The following ST8SIA2 variants were observed in gnomAD, a reference collection of about 807,000 sequenced individuals.
ST8SIA2 encodes the protein alpha-2,8-sialyltransferase 8B.
A neutral mutation model predicts 37.6 loss-of-function variants in ST8SIA2; 22 were observed. That is an observed-to-expected ratio of 0.58 (90% CI 0.42 to 0.83). The LOEUF (loss-of-function observed/expected upper bound fraction) is 0.83. ST8SIA2 is among the 40% of genes least tolerant of loss of function. The probability of loss-of-function intolerance (pLI) is 0.00; values close to 1 mark genes in which losing one functional copy is unlikely to be tolerated. For synonymous variants in ST8SIA2, 205 were observed against 201.2 expected, an observed-to-expected ratio of 1.02 and a Z score of -0.16; for missense variants, 382 against 484.7, an observed-to-expected ratio of 0.79 and a Z score of 1.99.
Position 92,430,115 on chromosome 15 carries a change from T to C in ST8SIA2, c.161+4T>C, listed in dbSNP as rs766689719. ...GCTTACATAGCAAATCTAATAGGTT[T>C]GTAAATTAGATTTTGTGTTCATTTG... On this transcript the variant is annotated splice_donor_region_variant and intron_variant, in intron 2 of 5. Coordinates refer to ENST00000268164, the MANE Select transcript of ST8SIA2 (RefSeq NM_006011.4). The C allele has an allele frequency of 2.5e-6, 4 of 1,613,640 alleles. No homozygotes were observed. Among genetic ancestry groups the C allele is most frequent in the Admixed American group, 3.3e-5 (2 of 60,034 alleles).
At chr15:92,427,220 A>G (rs868129900) in intron 1 of ST8SIA2, among the ~76,000 whole-genome samples, 4 of 144,084 alleles carry the variant, frequency 2.8e-5, no homozygotes, top group African/African-American at 7.7e-5. Flanking sequence ...TTGTTTGTCT[A>G]TTATGTCTTA....
intron 1 of ST8SIA2, among the ~76,000 whole-genome samples, chr15:92,401,422 C>G (rs1054916035): frequency 6.6e-6 from 1 of 152,194 alleles, no homozygotes; most frequent in African/African-American, 2.4e-5. Context: ...AGGAAGCTGC[C>G]CGGTGTCCTG....
chr15:92,400,193 C>T (rs1391920502), intron 1 of ST8SIA2, among the ~76,000 whole-genome samples: 1 of 152,200 alleles, frequency 6.6e-6, no homozygotes, highest in Non-Finnish European at 1.5e-5. Context: ...TCTCCTAGAC[C>T]CCGTCCCCTT....
At chr15:92,441,296 C>A (rs774958994) in intron 4 of ST8SIA2, among the ~76,000 whole-genome samples, 17 of 152,182 alleles carry the variant, frequency 1.1e-4, no homozygotes, top group Non-Finnish European at 2.2e-4. Flanking sequence ...CCGGCAGAAG[C>A]GGCATTGGAG....
chr15:92,410,479 A>G (rs1361699753), intron 1 of ST8SIA2, among the ~76,000 whole-genome samples: 2 of 152,228 alleles, frequency 1.3e-5, no homozygotes, highest in East Asian at 3.8e-4. Flanking sequence ...TGCACCCTTC[A>G]GTCCACTTAG....
Position 92,436,183 on chromosome 15 carries a change from G to A in ST8SIA2, c.290+1808G>A, listed in dbSNP as rs368285812. 3.3e-3 allele frequency among the ~76,000 whole-genome samples: 495 copies of A among 152,228 alleles called. 4 individuals carry two copies. The highest frequency in any genetic ancestry group is 4.4e-3 in the Admixed American group (68 of 15,288). ...CGCAAAGATGTTCTTTTGACATGTG[G>A]TCACATTCACAGGTTCCAGGGGTTA... On this transcript the variant is annotated intron_variant, in intron 3 of 5. Coordinates refer to ENST00000268164, the MANE Select transcript of ST8SIA2 (RefSeq NM_006011.4).
At chr15:92,394,687 A>G (rs974867745) in intron 1 of ST8SIA2, among the ~76,000 whole-genome samples, 1 of 152,028 alleles carries the variant, frequency 6.6e-6, no homozygotes, top group Non-Finnish European at 1.5e-5. Context: ...TGTCCCCTGC[A>G]CACACAGACA....
chr15:92,398,527 T>C (rs954800871), intron 1 of ST8SIA2, among the ~76,000 whole-genome samples: 3 of 152,238 alleles, frequency 2.0e-5, no homozygotes, highest in African/African-American at 7.2e-5. Context: ...TTATAGATGT[T>C]AACACATTCC....
intron 1 of ST8SIA2, among the ~76,000 whole-genome samples, chr15:92,394,856 C>A (rs1375496107): frequency 6.6e-6 from 1 of 152,216 alleles, no homozygotes; most frequent in East Asian, 1.9e-4. Context: ...TGTGCGCTCG[C>A]AGCGCGGAGA....
chr15:92,460,765 C>G (rs1049209065), intron 5 of ST8SIA2, among the ~76,000 whole-genome samples: 1 of 152,190 alleles, frequency 6.6e-6, no homozygotes, highest in African/African-American at 2.4e-5. Flanking sequence ...TAGCCACCCA[C>G]CTATCTGTTG....
Position 92,464,535 on chromosome 15 carries a change from T to G in ST8SIA2, c.*150T>G. ...ACAGTGACCAGAATATATATATCTA[T>G]ACCTGCATATATATATTGACCTGAG... On this transcript the variant is annotated 3_prime_UTR_variant, in exon 6 of 6. Coordinates refer to ENST00000268164, the MANE Select transcript of ST8SIA2 (RefSeq NM_006011.4). The G allele has an allele frequency of 9.2e-6, 7 of 764,686 alleles. No individual in the cohort carries two copies. The highest frequency in any genetic ancestry group is 1.3e-5 in the Non-Finnish European group (6 of 453,318). 47.4% of individuals were successfully genotyped at this position (764,686 alleles called of 1,614,324 possible). A position where few individuals can be genotyped will look rare whatever the true frequency, so the allele number is the denominator to read the frequency against.
chr15:92,399,411 G>A (rs1398698326), intron 1 of ST8SIA2, among the ~76,000 whole-genome samples: 1 of 152,188 alleles, frequency 6.6e-6, no homozygotes, highest in Admixed American at 6.5e-5. Flanking sequence ...ACTAGACAAG[G>A]AGAGGCTAGC....
intron 1 of ST8SIA2, among the ~76,000 whole-genome samples, chr15:92,411,680 C>G (rs533204076): frequency 6.6e-6 from 1 of 152,204 alleles, no homozygotes; most frequent in South Asian, 2.1e-4. Context: ...ATAGGTACAG[C>G]CACTGAGGCC....
At chr15:92,457,653 A>G (rs2049929139) in intron 5 of ST8SIA2, among the ~76,000 whole-genome samples, 2 of 152,216 alleles carry the variant, frequency 1.3e-5, no homozygotes, top group South Asian at 4.1e-4. Context: ...CCATGCACAC[A>G]GTCTCTAAAT....
intron 5 of ST8SIA2, among the ~76,000 whole-genome samples, chr15:92,455,377 A>T (rs981590221): frequency 2.0e-5 from 3 of 151,944 alleles, no homozygotes; most frequent in African/African-American, 4.8e-5. Context: ...TTTTTTTTTT[A>T]AATAGCAATG....
At chr15:92,411,063 G>A (rs1001749554) in intron 1 of ST8SIA2, among the ~76,000 whole-genome samples, 1 of 152,214 alleles carries the variant, frequency 6.6e-6, no homozygotes, top group Non-Finnish European at 1.5e-5. Flanking sequence ...GTCAAGGGCT[G>A]AAGAACTCAG....
At chr15:92,402,325 T>C (rs961727800) in intron 1 of ST8SIA2, among the ~76,000 whole-genome samples, 1 of 152,250 alleles carries the variant, frequency 6.6e-6, no homozygotes, top group Non-Finnish European at 1.5e-5. Context: ...CTAAACACTT[T>C]AGCTGTATTC....
At position 92,464,295 on chromosome 15, in the gene ST8SIA2, T is replaced by A; in HGVS notation, c.1038T>A (p.His346Gln). The change falls in exon 6 of 6, where the codon CAT (histidine) becomes CAA (glutamine). Residue 346 changes from histidine (H) to glutamine (Q), a missense_variant. Physicochemically the swap from His to Gln is conservative, Grantham distance 24 (BLOSUM62 0). Coordinates refer to ENST00000268164, the MANE Select transcript of ST8SIA2 (RefSeq NM_006011.4). ...GCTACACCTCCCAGGCCAGCCCGCA[T>A]ACCATGCCCTTGGAGTTTAAGGCCC... ...KYGYTSQASP[H>Q]TMPLEFKALK... is the part of the protein sequence containing the mutation. The A allele has an allele frequency of 6.2e-7, 1 of 1,614,058 alleles. No homozygotes were observed. The highest frequency in any genetic ancestry group is 8.5e-7 in the Non-Finnish European group (1 of 1,180,024).
chr15:92,415,147 G>A (rs1273180033), intron 1 of ST8SIA2, among the ~76,000 whole-genome samples: 1 of 152,140 alleles, frequency 6.6e-6, no homozygotes, highest in African/African-American at 2.4e-5. Context: ...CCAGGAAGCA[G>A]CCTCATCAAG....
Sources: allele counts gnomAD v4.1 joint callset (sites outside exome capture counted in the v4.1 genomes callset), GRCh38; gene constraint gnomAD v4.1.1; transcripts MANE v1.5; gene names NCBI Gene and HGNC (gene_info 2026-07-23, HGNC 2026-07-21).